RMP64: variants seen among roughly 807,000 people sequenced by gnomAD.
The protein encoded by RMP64 is nucleolus and neural progenitor protein.
At chr3:113,016,372 G>A in the RMP64 span, among the ~76,000 whole-genome samples, 2 of 152,202 alleles carry the variant, frequency 1.3e-5, no homozygotes, top group African/African-American at 4.8e-5. Flanking sequence ...ATGGCAGCCA[G>A]AACTGAAGAG....
chr3:113,002,627 C>T, the RMP64 span: 1,143 of 151,976 alleles, frequency 7.5e-3, 4 homozygotes, highest in Non-Finnish European at 0.01. Flanking sequence ...TACAACTTAG[C>T]CTATAACTTG....
chr3:113,010,946 G>T, the RMP64 span: 2 of 1,130,698 alleles, frequency 1.8e-6, no homozygotes, highest in Non-Finnish European at 2.5e-6. Context: ...GTGAGATGTT[G>T]AATTTCTTTC....
the RMP64 span, chr3:113,019,651 A>C: frequency 6.2e-7 from 1 of 1,610,514 alleles, no homozygotes; most frequent in Non-Finnish European, 8.5e-7. Context: ...CCATCATGCG[A>C]GGCGGGGGGA....
the RMP64 span, chr3:113,013,133 G>C: frequency 1.5e-5 from 13 of 875,670 alleles, no homozygotes; most frequent in Non-Finnish European, 2.3e-5. Flanking sequence ...CTGAGAAAAG[G>C]AGGCCAAGAA....
chr3:113,013,495 T>G, the RMP64 span: 1 of 1,158,098 alleles, frequency 8.6e-7, no homozygotes, highest in Admixed American at 2.7e-5. Flanking sequence ...CAGTTTATTA[T>G]AAAGGATATG....
chr3:113,005,878 T>C, the RMP64 span: 2 of 1,613,776 alleles, frequency 1.2e-6, no homozygotes, highest in Middle Eastern at 1.6e-4. Context: ...GTGGTTTCCT[T>C]TGTCTCCGTA....
chr3:113,018,192 G>C, the RMP64 span, among the ~76,000 whole-genome samples: 1 of 152,328 alleles, frequency 6.6e-6, no homozygotes, highest in East Asian at 1.9e-4. Flanking sequence ...AAAATCTGTA[G>C]AAGTCCCTAA....
At chr3:113,004,995 G>A in the RMP64 span, 1 of 158,954 alleles carries the variant, frequency 6.3e-6, no homozygotes, top group South Asian at 1.8e-4. Context: ...ACCAGTCCCT[G>A]GTAATACAAG....
chr3:113,005,692 T>C, the RMP64 span: 8 of 1,613,916 alleles, frequency 5.0e-6, no homozygotes, highest in Non-Finnish European at 1.7e-6. Context: ...CCTTAGTTTG[T>C]ATGACAGGCA....
chr3:113,003,541 T>A, the RMP64 span: 91 of 152,242 alleles, frequency 6.0e-4, 1 homozygote, highest in Admixed American at 3.9e-4. Context: ...TGGACACATG[T>A]GAAGCTTTTT....
the RMP64 span, chr3:113,010,457 C>T: frequency 8.8e-6 from 5 of 565,884 alleles, no homozygotes; most frequent in African/African-American, 9.6e-5. Context: ...ACTCTATTAA[C>T]TGAATTAACT....
chr3:113,019,480 C>G, the RMP64 span: 5 of 1,401,416 alleles, frequency 3.6e-6, no homozygotes, highest in Non-Finnish European at 5.0e-6. Flanking sequence ...CCACATGCGC[C>G]GGCTGGGCCT....
At chr3:113,016,864 G>A in the RMP64 span, among the ~76,000 whole-genome samples, 1 of 152,184 alleles carries the variant, frequency 6.6e-6, no homozygotes, top group Non-Finnish European at 1.5e-5. Flanking sequence ...ATGAATGAAT[G>A]AGCATATCAG....
the RMP64 span, among the ~76,000 whole-genome samples, chr3:113,016,648 G>C: frequency 6.6e-6 from 1 of 152,130 alleles, no homozygotes; most frequent in Admixed American, 6.5e-5. Context: ...TCTTCACCCT[G>C]TTTGCTTTAA....
chr3:113,011,406 C>A, the RMP64 span: 2 of 1,551,092 alleles, frequency 1.3e-6, no homozygotes, highest in South Asian at 1.2e-5. Context: ...TATAGAGAAC[C>A]CTAGAGAAAG....
At chr3:113,010,063 TAATC>T in the RMP64 span, among the ~76,000 whole-genome samples, 1 of 151,772 alleles carries the variant, frequency 6.6e-6, no homozygotes. Flanking sequence ...TTACAGACAT[TAATC>T]AATCATGTTA....
the RMP64 span, chr3:113,005,859 A>G: frequency 8.1e-6 from 13 of 1,613,544 alleles, no homozygotes; most frequent in African/African-American, 1.3e-5. Context: ...GTCGACTGCA[A>G]CTTTCTCTGT....
At chr3:113,003,583 G>T in the RMP64 span, 2 of 152,180 alleles carry the variant, frequency 1.3e-5, no homozygotes, top group Non-Finnish European at 2.9e-5. Context: ...AAGGGCAGAA[G>T]ATGGGAAAAT....
the RMP64 span, among the ~76,000 whole-genome samples, chr3:113,019,353 G>C: frequency 1.3e-5 from 2 of 152,222 alleles, no homozygotes; most frequent in Non-Finnish European, 2.9e-5. Context: ...ATGAAGGAAT[G>C]CGAAGCCAGA....
Sources: gnomAD v4.1 joint callset for allele counts (sites outside exome capture counted in the v4.1 genomes callset) on GRCh38, gnomAD v4.1.1 for gene constraint, MANE v1.5 for transcripts, NCBI Gene and HGNC (gene_info 2026-07-23, HGNC 2026-07-21) for gene names.